Variants in CADPS2 observed in about 807,000 individuals in gnomAD.
CADPS2 encodes the protein calcium-dependent secretion activator 2.
In CADPS2, 93 loss-of-function variants were observed where a neutral mutation model predicts 172.5. The observed-to-expected ratio is 0.54, with a 90% CI of 0.46 to 0.64. The LOEUF (loss-of-function observed/expected upper bound fraction) is 0.64. Ranked by LOEUF, CADPS2 falls within the 30% of genes least tolerant of loss-of-function variation. The probability of loss-of-function intolerance (pLI) is 0.00; values close to 1 mark genes in which losing one functional copy is unlikely to be tolerated. For synonymous variants in CADPS2, 546 were observed against 555.2 expected (o/e 0.98, Z 0.23); for missense variants, 1,420 against 1,565.9 (o/e 0.91, Z 1.57).
intron 2 of CADPS2, among the ~76,000 whole-genome samples, chr7:122,712,670 T>A (rs145404912): frequency 6.6e-6 from 1 of 152,132 alleles, no homozygotes; most frequent in East Asian, 1.9e-4. Flanking sequence ...TGGGCTGTTA[T>A]AACAAATTAC....
At chr7:122,386,151 G>T in intron 24 of CADPS2, 1 of 484,284 alleles carries the variant, frequency 2.1e-6, no homozygotes, top group Non-Finnish European at 3.5e-6. Flanking sequence ...TAAGCTGTTA[G>T]CCTTATATAT....
chr7:122,484,467 T>G (rs1243507831), intron 11 of CADPS2, among the ~76,000 whole-genome samples: 1 of 147,142 alleles, frequency 6.8e-6, no homozygotes, highest in Admixed American at 6.8e-5. Context: ...CCAGAAATAC[T>G]GATGGATACC....
At chr7:122,824,530 T>C (rs1804326089) in intron 1 of CADPS2, among the ~76,000 whole-genome samples, 2 of 152,188 alleles carry the variant, frequency 1.3e-5, no homozygotes, top group Non-Finnish European at 2.9e-5. Flanking sequence ...GGGCCATTTG[T>C]ATTTAGTTTT....
At chr7:122,704,922 TC>T (rs2136371302) in intron 2 of CADPS2, among the ~76,000 whole-genome samples, 1 of 152,040 alleles carries the variant, frequency 6.6e-6, no homozygotes, top group African/African-American at 2.4e-5. Flanking sequence ...ACATAGTAGC[TC>T]CACATAATAA....
intron 2 of CADPS2, among the ~76,000 whole-genome samples, chr7:122,717,293 A>G (rs551841816): frequency 2.8e-4 from 42 of 152,172 alleles, no homozygotes; most frequent in Non-Finnish European, 4.6e-4. Flanking sequence ...AACATTTAGT[A>G]GCAATGCCTG....
In CADPS2 at chr7:122,341,475, T is replaced by C. The variant is rs574533791; in HGVS notation, c.3612+4099A>G. On this transcript the variant is annotated intron_variant, in intron 28 of 29. Transcript: ENST00000449022. Reference sequence around the variant, plus strand: ...GTTTACACGTACTAAGTAAACTGAGTCTTACACAGATGGCATAACTTTTTC... The same window carrying C: ...GTTTACACGTACTAAGTAAACTGAGCCTTACACAGATGGCATAACTTTTTC... 2.0e-5 allele frequency among the ~76,000 whole-genome samples: 3 copies of C among 152,198 alleles called. No individual in the cohort carries two copies. The South Asian group carries it at 6.2e-4, about 32-fold the overall frequency.
At chr7:122,731,374 T>C (rs904976169) in intron 2 of CADPS2, among the ~76,000 whole-genome samples, 1 of 151,780 alleles carries the variant, frequency 6.6e-6, no homozygotes, top group Non-Finnish European at 1.5e-5. Context: ...AGAAAGACCA[T>C]TTACTTTTCC....
intron 27 of CADPS2, among the ~76,000 whole-genome samples, chr7:122,347,280 C>A (rs2037816147): frequency 6.6e-6 from 1 of 152,010 alleles, no homozygotes; most frequent in Non-Finnish European, 1.5e-5. Flanking sequence ...AAAGAGAGTT[C>A]TTGCCATTTT....
chr7:122,492,206 TAATTA>T (rs2058358133), intron 9 of CADPS2, among the ~76,000 whole-genome samples: 1 of 151,692 alleles, frequency 6.6e-6, no homozygotes, highest in African/African-American at 2.4e-5. Flanking sequence ...ATAAATTAAT[TAATTA>T]ATTAAATTAA....
intron 18 of CADPS2, among the ~76,000 whole-genome samples, chr7:122,415,218 T>C (rs1484354633): frequency 6.6e-6 from 1 of 152,244 alleles, no homozygotes; most frequent in African/African-American, 2.4e-5. Context: ...CCTAGAGTTA[T>C]CAACCATACG....
At chr7:122,498,271 T>C (rs2058917381) in intron 9 of CADPS2, among the ~76,000 whole-genome samples, 2 of 152,186 alleles carry the variant, frequency 1.3e-5, no homozygotes, top group African/African-American at 4.8e-5. Context: ...TTTATGATTG[T>C]TCTTACATGT....
intron 3 of CADPS2, among the ~76,000 whole-genome samples, chr7:122,642,548 CT>C (rs10717947): frequency 0.042 from 6,140 of 146,136 alleles, 322 homozygotes; most frequent in African/African-American, 0.13. Context: ...CACCCAACAG[CT>C]TTTTTTTTTT....
chr7:122,447,509 TTCTC>T (rs1371850729), intron 15 of CADPS2, among the ~76,000 whole-genome samples: 1 of 150,716 alleles, frequency 6.6e-6, no homozygotes, highest in African/African-American at 2.4e-5. Context: ...AGGGACACCT[TTCTC>T]TCTCCCATGT....
chr7:122,707,639 G>GT (rs1032293790), intron 2 of CADPS2, among the ~76,000 whole-genome samples: 9 of 151,402 alleles, frequency 5.9e-5, no homozygotes, highest in South Asian at 4.2e-4. Flanking sequence ...AACTATGTAT[G>GT]TTTTTTTTGC....
chr7:122,698,259 G>T (rs1309225541), intron 2 of CADPS2: 3 of 1,613,820 alleles, frequency 1.9e-6, no homozygotes, highest in Non-Finnish European at 1.7e-6. Context: ...GCCATCTCCG[G>T]TTCTGAATCC....
intron 1 of CADPS2, among the ~76,000 whole-genome samples, chr7:122,801,809 T>C (rs899933846): frequency 2.0e-5 from 3 of 151,754 alleles, no homozygotes; most frequent in African/African-American, 7.3e-5. Context: ...GGTCTCACTA[T>C]ATACCCCAGG....
chr7:122,661,811 T>C (rs1039373110), intron 3 of CADPS2, among the ~76,000 whole-genome samples: 1 of 152,226 alleles, frequency 6.6e-6, no homozygotes, highest in African/African-American at 2.4e-5. Context: ...CTACTGAATG[T>C]CTGAATCTGA....
Position 122,485,686 on chromosome 7 carries a change from G to A in CADPS2, c.1852+4395C>T, listed in dbSNP as rs148311248. Among the ~76,000 whole-genome samples, 9 of 152,308 alleles carry A rather than the reference G, an allele frequency of 5.9e-5. No individual in the cohort carries two copies. The East Asian group carries it at 1.5e-3, about 26-fold the overall frequency. On this transcript the variant is annotated intron_variant, in intron 11 of 29. Transcript: ENST00000449022. Reference sequence around the variant, plus strand: ...AAAAGATCCAGCTAAGATCATTGATGAAGTTAGCTATGCTAAATAACAGAT... The same window carrying A: ...AAAAGATCCAGCTAAGATCATTGATAAAGTTAGCTATGCTAAATAACAGAT...
chr7:122,712,885 T>A (rs751485720), intron 2 of CADPS2, among the ~76,000 whole-genome samples: 8 of 152,014 alleles, frequency 5.3e-5, no homozygotes, highest in Non-Finnish European at 7.4e-5. Context: ...ATTCTACTCA[T>A]GTGGGCTCTG....
Sources: allele counts gnomAD v4.1 joint callset (sites outside exome capture counted in the v4.1 genomes callset), GRCh38; gene constraint gnomAD v4.1.1; transcripts MANE v1.5; gene names NCBI Gene and HGNC (gene_info 2026-07-23, HGNC 2026-07-21).